DCAF8L2: variants seen among roughly 807,000 people sequenced by gnomAD.
DCAF8L2 encodes DDB1 and CUL4 associated factor 8 like 2.
For synonymous variants in DCAF8L2, 200 were observed against 190.9 expected (o/e 1.05, Z -0.39); for missense variants, 430 against 490.7 (o/e 0.88, Z 1.17).
At chrX:27,633,366 G>A (rs915747931) in intron 2 of DCAF8L2, 2 of 111,700 alleles carry the variant, frequency 1.8e-5, no homozygotes, top group Admixed American at 1.9e-4. Flanking sequence ...TAATTTTCCA[G>A]GAAATTGTAC....
At chrX:27,492,819 C>T in the DCAF8L2 span, among the ~76,000 whole-genome samples, 1 of 112,395 alleles carries the variant, frequency 8.9e-6, no homozygotes. Flanking sequence ...ATCTATTTAC[C>T]ACAATGGCTG....
chrX:27,686,047 CAGTT>C (rs974434293), intron 3 of DCAF8L2, among the ~76,000 whole-genome samples: 3 of 111,600 alleles, frequency 2.7e-5, no homozygotes, highest in African/African-American at 9.8e-5. Flanking sequence ...AATCTCACCT[CAGTT>C]AGAATGGCTA....
At chrX:27,587,985 A>AAAAAAAATATAT, upstream of DCAF8L2, among the ~76,000 whole-genome samples, 2 of 22,363 alleles carry the variant, frequency 8.9e-5, no homozygotes, top group African/African-American at 2.0e-4. Context: ...TAAAAAAAAA[A>AAAAAAAATATAT]ATATATATAT....
chrX:27,587,044 A>G (rs1925917082), upstream of DCAF8L2, among the ~76,000 whole-genome samples: 1 of 111,328 alleles, frequency 9.0e-6, no homozygotes, highest in Non-Finnish European at 1.9e-5. Flanking sequence ...AAAAACATGT[A>G]CTTATCACTA....
intron 1 of DCAF8L2, among the ~76,000 whole-genome samples, chrX:27,625,481 C>A (rs1343890740): frequency 8.9e-6 from 1 of 111,939 alleles, no homozygotes; most frequent in Non-Finnish European, 1.9e-5. Flanking sequence ...AACAGAACTA[C>A]CATTTGACCC....
At chrX:27,472,294 A>G in the DCAF8L2 span, among the ~76,000 whole-genome samples, 3 of 112,011 alleles carry the variant, frequency 2.7e-5, no homozygotes, top group South Asian at 1.1e-3. Flanking sequence ...TCTTCTTAAT[A>G]GTACACATAG....
chrX:27,505,440 AG>A, the DCAF8L2 span, among the ~76,000 whole-genome samples: 56 of 112,368 alleles, frequency 5.0e-4, no homozygotes, highest in African/African-American at 1.7e-3. Context: ...GTATTCTATA[AG>A]AAAAGTATAC....
At chrX:27,573,277 C>T in the DCAF8L2 span, among the ~76,000 whole-genome samples, 6 of 109,934 alleles carry the variant, frequency 5.5e-5, no homozygotes, top group African/African-American at 2.0e-4. Context: ...CACACACACA[C>T]ACACACGGAG....
At chrX:27,692,380 G>A (rs1362827309) in intron 3 of DCAF8L2, among the ~76,000 whole-genome samples, 1 of 111,865 alleles carries the variant, frequency 8.9e-6, no homozygotes, top group Admixed American at 9.5e-5. Flanking sequence ...GATAAGATTG[G>A]CAGTTGAAAT....
At chrX:27,730,736 A>T (rs1602790853) in intron 4 of DCAF8L2, among the ~76,000 whole-genome samples, 1 of 106,362 alleles carries the variant, frequency 9.4e-6, no homozygotes, top group Non-Finnish European at 1.9e-5. Flanking sequence ...AAAAAAAAAA[A>T]CTACTAAAGT....
the DCAF8L2 span, among the ~76,000 whole-genome samples, chrX:27,478,334 C>T: frequency 9.8e-5 from 11 of 111,876 alleles, no homozygotes; most frequent in African/African-American, 3.2e-4. Context: ...ATAAAAGGTG[C>T]TTTTTAATTT....
At chrX:27,493,718 A>G in the DCAF8L2 span, among the ~76,000 whole-genome samples, 1 of 35,108 alleles carries the variant, frequency 2.8e-5, no homozygotes, top group African/African-American at 4.8e-5. Flanking sequence ...AAAAAAAAAA[A>G]AAAAAGAAAA....
intron 4 of DCAF8L2, among the ~76,000 whole-genome samples, chrX:27,734,295 G>T (rs1921398289): frequency 9.0e-6 from 1 of 111,187 alleles, no homozygotes; most frequent in African/African-American, 3.3e-5. Context: ...AATCAGTGGT[G>T]AAAGAGAGTA....
intron 3 of DCAF8L2, among the ~76,000 whole-genome samples, chrX:27,696,635 G>A (rs1294327228): frequency 8.9e-6 from 1 of 112,011 alleles, no homozygotes; most frequent in Admixed American, 9.5e-5. Flanking sequence ...GCATATAAAC[G>A]TGAAGAAGTT....
the DCAF8L2 span, among the ~76,000 whole-genome samples, chrX:27,565,506 T>G: frequency 8.9e-6 from 1 of 112,212 alleles, no homozygotes; most frequent in Non-Finnish European, 1.9e-5. Flanking sequence ...GATTTTGGTC[T>G]GTAGTTTTCT....
At chrX:27,606,621 T>C (rs777067755) in intron 1 of DCAF8L2, among the ~76,000 whole-genome samples, 43 of 107,795 alleles carry the variant, frequency 4.0e-4, no homozygotes, top group Admixed American at 3.8e-3. Context: ...TCTGCCTGCC[T>C]TGGCCTCCCA....
intron 3 of DCAF8L2, among the ~76,000 whole-genome samples, chrX:27,683,095 T>C (rs1395794035): frequency 8.9e-6 from 1 of 111,824 alleles, no homozygotes; most frequent in Non-Finnish European, 1.9e-5. Flanking sequence ...TGAGTACTTC[T>C]ATAAAGTTTT....
the DCAF8L2 span, among the ~76,000 whole-genome samples, chrX:27,565,866 G>C: frequency 2.7e-5 from 3 of 110,643 alleles, no homozygotes; most frequent in South Asian, 7.8e-4. Flanking sequence ...GTGGGGCCGG[G>C]GGATCTCTTT....
At chrX:27,521,105 A>G in the DCAF8L2 span, among the ~76,000 whole-genome samples, 1 of 112,201 alleles carries the variant, frequency 8.9e-6, no homozygotes, top group African/African-American at 3.2e-5. Flanking sequence ...GTTCTTATAT[A>G]TACACATGAA....
Sources: gnomAD v4.1 joint callset for allele counts (sites outside exome capture counted in the v4.1 genomes callset) on GRCh38, gnomAD v4.1.1 for gene constraint, MANE v1.5 for transcripts, NCBI Gene and HGNC (gene_info 2026-07-23, HGNC 2026-07-21) for gene names.